SYCP2L: variants seen among roughly 807,000 people sequenced by gnomAD.
SYCP2L encodes the protein synaptonemal complex protein 2-like.
A neutral mutation model predicts 125.8 loss-of-function variants in SYCP2L; 98 were observed. That is an observed-to-expected ratio of 0.78 (90% CI 0.66 to 0.92). The LOEUF (loss-of-function observed/expected upper bound fraction) is 0.92, where lower values mean the gene tolerates loss of function less well. Among genes scored for constraint, SYCP2L ranks in the 40% least tolerant of loss-of-function variants. The pLI is 0.00. For synonymous variants in SYCP2L, 317 were observed against 325.4 expected, an observed-to-expected ratio of 0.97 and a Z score of 0.28; for missense variants, 842 against 936.4, an observed-to-expected ratio of 0.90 and a Z score of 1.32.
intron 23 of SYCP2L, among the ~76,000 whole-genome samples, chr6:10,947,558 T>C (rs1208381239): frequency 6.6e-6 from 1 of 152,118 alleles, no homozygotes; most frequent in African/African-American, 2.4e-5. Context: ...AATTTGTTAT[T>C]GCTAAAGTAG....
intron 14 of SYCP2L, among the ~76,000 whole-genome samples, chr6:10,923,677 CTTTTTCT>C (rs1328261571): frequency 3.2e-4 from 12 of 37,422 alleles, no homozygotes; most frequent in Non-Finnish European, 7.0e-4. Flanking sequence ...CTTTCTTTTT[CTTTTTCT>C]TTTTTTTTTT....
chr6:10,946,932 T>C (rs1183967990), intron 23 of SYCP2L, among the ~76,000 whole-genome samples: 3 of 151,974 alleles, frequency 2.0e-5, no homozygotes, highest in Non-Finnish European at 2.9e-5. Context: ...TCCTCAAATA[T>C]TGCTTTTGGC....
rs1561680267 is a variant in SYCP2L, at chr6:10,898,089, A to C, written c.415A>C (p.Ile139Leu). The C allele has an allele frequency of 6.2e-7, 1 of 1,614,088 alleles. No individual in the cohort carries two copies. The highest frequency in any genetic ancestry group is 2.2e-5 in the East Asian group (1 of 44,886). ...LASDTSLICV[I>L]EDFFDTALII... is the part of the protein sequence containing the mutation. ...CTCAGACACGTCGCTGATTTGTGTT[A>C]TAGAAGATTTCTTTGACACTGCATT... The change falls in exon 5 of 30, where the codon ATA becomes CTA. Residue 139 changes from isoleucine to leucine, a missense_variant. Ile to Leu is a conservative substitution (Grantham distance 5). Transcript: ENST00000283141.
At chr6:10,924,037 A>C (rs1780855926) in intron 14 of SYCP2L, among the ~76,000 whole-genome samples, 1 of 152,192 alleles carries the variant, frequency 6.6e-6, no homozygotes, top group African/African-American at 2.4e-5. Context: ...AGTCCATTGA[A>C]ATGGTGGTAG....
chr6:10,911,495 T>C (rs769012673), intron 12 of SYCP2L, among the ~76,000 whole-genome samples: 3 of 152,206 alleles, frequency 2.0e-5, no homozygotes, highest in Non-Finnish European at 4.4e-5. Context: ...TTCTTTGTTT[T>C]GGGTTCAGAG....
chr6:10,905,926 C>G, intron 8 of SYCP2L, 94 bp from the exon 9 acceptor site: 1 of 776,730 alleles, frequency 1.3e-6, no homozygotes, highest in Non-Finnish European at 2.1e-6. Flanking sequence ...GTTTCAGAAA[C>G]ATATACTTTG....
chr6:10,892,143 T>C (rs1327129723), intron 2 of SYCP2L, among the ~76,000 whole-genome samples: 14 of 152,190 alleles, frequency 9.2e-5, no homozygotes, highest in Admixed American at 9.2e-4. Context: ...AGCCCAGGCC[T>C]AGAACAGCCA....
intron 4 of SYCP2L, 33 bp downstream of exon 4, chr6:10,894,237 G>C: frequency 6.2e-7 from 1 of 1,604,936 alleles, no homozygotes; most frequent in Non-Finnish European, 8.5e-7. Flanking sequence ...ATATGGCTTT[G>C]GGTAACTTAG....
chr6:10,903,019 G>T, intron 8 of SYCP2L, 56 bp downstream of exon 8: 1 of 1,417,904 alleles, frequency 7.1e-7, no homozygotes, highest in Middle Eastern at 1.8e-4. Context: ...TCTCATGAGT[G>T]TATGGCTTCA....
intron 8 of SYCP2L, among the ~76,000 whole-genome samples, chr6:10,903,587 T>G (rs942224132): frequency 2.0e-5 from 3 of 151,494 alleles, no homozygotes; most frequent in Non-Finnish European, 1.5e-5. Flanking sequence ...CTATCTCTAC[T>G]AAAAATACAA....
rs1780228197 is a variant in SYCP2L, at chr6:10,894,692, G to A, written c.336+488G>A. 2.7e-5 allele frequency among the ~76,000 whole-genome samples: 4 copies of A among 148,360 alleles called. No individual in the cohort carries two copies. The South Asian group carries it at 8.8e-4, about 33-fold the overall frequency. ...TTATTCAAAGTTACCCAAATTATCAGCTTTTATTCTTTTAAAAATAATAAC... is the reference window on the plus strand; with the variant it reads ...TTATTCAAAGTTACCCAAATTATCAACTTTTATTCTTTTAAAAATAATAAC... On this transcript the variant is annotated intron_variant, in intron 4 of 29. Coordinates refer to ENST00000283141, the MANE Select transcript of SYCP2L (RefSeq NM_001040274.3).
At chr6:10,900,683 C>T (rs896491784) in intron 6 of SYCP2L, among the ~76,000 whole-genome samples, 3 of 152,146 alleles carry the variant, frequency 2.0e-5, no homozygotes, top group Non-Finnish European at 2.9e-5. Flanking sequence ...GGCACTCATC[C>T]CATCATGAGG....
At position 10,890,769 on chromosome 6, in the gene SYCP2L, A is replaced by G. The variant is rs976657463; in HGVS notation, c.10-744A>G. 5.3e-5 allele frequency among the ~76,000 whole-genome samples: 8 copies of G among 152,316 alleles called. No homozygotes were observed. In the East Asian group the frequency reaches 1.5e-3, roughly 29 times the overall value. On this transcript the variant is annotated intron_variant, in intron 1 of 29. Transcript: ENST00000283141. ...CTCCATAAAATCTTTGCCCAGACCAATGTCCTAAAGTGTTTCCCCTATATT... is the reference window on the plus strand; with the variant it reads ...CTCCATAAAATCTTTGCCCAGACCAGTGTCCTAAAGTGTTTCCCCTATATT...
intron 14 of SYCP2L, among the ~76,000 whole-genome samples, chr6:10,922,022 T>TTTTG (rs551180823): frequency 6.6e-5 from 10 of 152,190 alleles, no homozygotes; most frequent in African/African-American, 1.4e-4. Flanking sequence ...TTTTAATGTT[T>TTTTG]TTTGTTTGTT....
Position 10,898,058 on chromosome 6 carries a change from C to T in SYCP2L, c.384C>T (p.Gly128=). ...ERTTGILTSE[G]LASDTSLICV... Reference sequence around the variant, plus strand: ...CAACAGGAATTCTGACCTCGGAAGGCCTAGCCTCAGACACGTCGCTGATTT... The same window carrying T: ...CAACAGGAATTCTGACCTCGGAAGGTCTAGCCTCAGACACGTCGCTGATTT... Residue 128 remains glycine (G), a synonymous_variant, in exon 5 of 30, where the codon GGC becomes GGT. Transcript: ENST00000283141. 6 of 1,614,140 alleles carry T rather than the reference C, an allele frequency of 3.7e-6. No individual in the cohort carries two copies. The highest frequency in any genetic ancestry group is 4.2e-6 in the Non-Finnish European group (5 of 1,179,990).
chr6:10,940,319 A>G (rs547269480), intron 21 of SYCP2L, among the ~76,000 whole-genome samples: 1 of 152,184 alleles, frequency 6.6e-6, no homozygotes, highest in African/African-American at 2.4e-5. Flanking sequence ...CATCAATCCC[A>G]CTTCCATGTA....
At chr6:10,955,610 A>G (rs1581843249) in intron 24 of SYCP2L, among the ~76,000 whole-genome samples, 1 of 152,176 alleles carries the variant, frequency 6.6e-6, no homozygotes, top group Admixed American at 6.5e-5. Flanking sequence ...AAATGGTACC[A>G]TGCATTTTGA....
chr6:10,942,620 C>T (rs1781244220), intron 22 of SYCP2L, 57 bp from the exon 23 acceptor site: 2 of 1,598,458 alleles, frequency 1.3e-6, no homozygotes, highest in African/African-American at 2.7e-5. Context: ...ACGAGTACAC[C>T]ACTTGTTTCT....
In SYCP2L at chr6:10,898,107, A is replaced by G. The variant is rs759274332; in HGVS notation, c.433A>G (p.Thr145Ala). ...LICVIEDFFD[T>A]ALIISRSSSE... ...TTGTGTTATAGAAGATTTCTTTGAC[A>G]CTGCATTGGTAAGGATGGGATGGAT... is the stretch of plus-strand genomic sequence containing the variant. Residue 145 changes from threonine to alanine, a missense_variant, in exon 5 of 30, where the codon ACT becomes GCT. Coordinates refer to ENST00000283141, the MANE Select transcript of SYCP2L (RefSeq NM_001040274.3). 3.7e-6 allele frequency: 6 copies of G among 1,612,438 alleles called. No homozygotes were observed. In the South Asian group the frequency reaches 4.4e-5, roughly 12 times the overall value.
Sources: allele counts gnomAD v4.1 joint callset (sites outside exome capture counted in the v4.1 genomes callset), GRCh38; gene constraint gnomAD v4.1.1; transcripts MANE v1.5; gene names NCBI Gene and HGNC (gene_info 2026-07-23, HGNC 2026-07-21).